Variants in MARCHF3 observed in about 807,000 individuals in gnomAD.
The protein encoded by MARCHF3 is membrane associated ring-CH-type finger 3.
Under a neutral mutation model 24.2 loss-of-function variants are expected in MARCHF3, and 13 were observed. That is an observed-to-expected ratio of 0.54 (90% CI 0.35 to 0.85). MARCHF3 has a LOEUF of 0.85. Ranked by LOEUF, MARCHF3 falls within the 40% of genes least tolerant of loss-of-function variation. The pLI, the probability that MARCHF3 is intolerant of heterozygous loss-of-function variation, is 0.01. For missense variants in MARCHF3, 276 were observed against 325.0 expected, an observed-to-expected ratio of 0.85 and a Z score of 1.16; for synonymous variants, 144 against 137.3, an observed-to-expected ratio of 1.05 and a Z score of -0.34.
chr5:126,897,375 G>C (rs770714417), intron 3 of MARCHF3, among the ~76,000 whole-genome samples: 3 of 151,862 alleles, frequency 2.0e-5, no homozygotes, highest in Non-Finnish European at 4.4e-5. Flanking sequence ...TGCCTTCTGA[G>C]AATTGTCATT....
chr5:126,933,448 T>C (rs2126805028), intron 1 of MARCHF3, among the ~76,000 whole-genome samples: 1 of 149,990 alleles, frequency 6.7e-6, no homozygotes, highest in Non-Finnish European at 1.5e-5. Flanking sequence ...GGTATCTCTT[T>C]TTTTTTTTTT....
At chr5:126,896,052 G>C (rs1307976374) in intron 3 of MARCHF3, among the ~76,000 whole-genome samples, 1 of 152,114 alleles carries the variant, frequency 6.6e-6, no homozygotes, top group African/African-American at 2.4e-5. Flanking sequence ...GCAGTATTCC[G>C]GTGGGAGTGA....
intron 1 of MARCHF3, among the ~76,000 whole-genome samples, chr5:126,976,091 C>T (rs1166923370): frequency 6.6e-6 from 1 of 152,210 alleles, no homozygotes; most frequent in Non-Finnish European, 1.5e-5. Context: ...CTCCTGCTAT[C>T]ACCCAGGGAA....
At chr5:126,878,099 G>A in intron 4 of MARCHF3, 86 bp downstream of exon 4, 4 of 1,320,566 alleles carry the variant, frequency 3.0e-6, no homozygotes, top group Non-Finnish European at 4.3e-6. Context: ...CAGGTGAGAT[G>A]TGTTACAGAC....
intron 1 of MARCHF3, among the ~76,000 whole-genome samples, chr5:126,963,445 G>C (rs1434892358): frequency 6.6e-6 from 1 of 151,822 alleles, no homozygotes; most frequent in East Asian, 1.9e-4. Flanking sequence ...ACATTTTCAA[G>C]GAGAAAAAAA....
intron 1 of MARCHF3, among the ~76,000 whole-genome samples, chr5:126,986,639 A>G (rs1751575832): frequency 6.6e-6 from 1 of 152,220 alleles, no homozygotes; most frequent in Admixed American, 6.5e-5. Context: ...CCCAAAAATG[A>G]ACACTGATGA....
chr5:126,969,986 C>T (rs931358438), intron 1 of MARCHF3, among the ~76,000 whole-genome samples: 1 of 152,200 alleles, frequency 6.6e-6, no homozygotes, highest in Non-Finnish European at 1.5e-5. Flanking sequence ...CTGAGAAATT[C>T]AAGAGGCTGT....
At chr5:126,937,530 G>C (rs1256840584) in intron 1 of MARCHF3, among the ~76,000 whole-genome samples, 1 of 152,076 alleles carries the variant, frequency 6.6e-6, no homozygotes. Context: ...TGTATATTTA[G>C]ACCATGGGGC....
intron 2 of MARCHF3, among the ~76,000 whole-genome samples, chr5:126,916,979 T>A (rs947571327): frequency 1.3e-5 from 2 of 152,172 alleles, no homozygotes; most frequent in Non-Finnish European, 2.9e-5. Flanking sequence ...AGATTTTAAA[T>A]GGAGGGCATA....
intron 1 of MARCHF3, among the ~76,000 whole-genome samples, chr5:126,939,603 C>T (rs1002645197): frequency 6.6e-6 from 1 of 152,176 alleles, no homozygotes; most frequent in Non-Finnish European, 1.5e-5. Flanking sequence ...AGAGATTCAT[C>T]AGGAATAAAA....
chr5:126,895,767 T>C lies in MARCHF3; in HGVS notation c.394-17373A>G, dbSNP rs1040995189. Among the ~76,000 whole-genome samples the C allele has an allele frequency of 5.9e-5, 9 of 152,220 alleles. 1 individual carries two copies. The highest frequency in any genetic ancestry group is 5.8e-4 in the East Asian group (3 of 5,186). On this transcript the variant is annotated intron_variant, in intron 3 of 4. Transcript: ENST00000308660. ...GCAGAGGTTACTGCTGTCTTTTTGTTTGTCTGTGCACTGCCCCCAGAGGTG... is the reference window on the plus strand; with the variant it reads ...GCAGAGGTTACTGCTGTCTTTTTGTCTGTCTGTGCACTGCCCCCAGAGGTG...
At chr5:126,958,239 A>G (rs1750513552) in intron 1 of MARCHF3, among the ~76,000 whole-genome samples, 1 of 152,114 alleles carries the variant, frequency 6.6e-6, no homozygotes, top group Non-Finnish European at 1.5e-5. Context: ...ATAATACTGA[A>G]TGATCATGAT....
chr5:127,006,072 A>C (rs962889760), intron 1 of MARCHF3, among the ~76,000 whole-genome samples: 1 of 151,812 alleles, frequency 6.6e-6, no homozygotes, highest in African/African-American at 2.4e-5. Flanking sequence ...GCATGGTGGC[A>C]TGCACTTGTA....
At chr5:126,938,385 C>G (rs1405773107) in intron 1 of MARCHF3, among the ~76,000 whole-genome samples, 2 of 152,018 alleles carry the variant, frequency 1.3e-5, no homozygotes, top group Non-Finnish European at 2.9e-5. Flanking sequence ...CCAAGCTGGT[C>G]TCAAATTCCT....
intron 1 of MARCHF3, among the ~76,000 whole-genome samples, chr5:126,942,198 A>T (rs1749852023): frequency 6.6e-6 from 1 of 152,206 alleles, no homozygotes; most frequent in Non-Finnish European, 1.5e-5. Flanking sequence ...TACTGATTAA[A>T]TCTTAACTTT....
intron 3 of MARCHF3, among the ~76,000 whole-genome samples, chr5:126,903,263 T>G (rs1034574450): frequency 1.3e-5 from 2 of 151,990 alleles, no homozygotes; most frequent in Non-Finnish European, 2.9e-5. Flanking sequence ...GGGCTAGGTG[T>G]GTACAAGCAA....
chr5:126,996,381 G>A (rs1398618472), intron 1 of MARCHF3, among the ~76,000 whole-genome samples: 1 of 152,178 alleles, frequency 6.6e-6, no homozygotes, highest in African/African-American at 2.4e-5. Context: ...AGATCCAGAT[G>A]CAAATAGGTT....
intron 1 of MARCHF3, among the ~76,000 whole-genome samples, chr5:126,993,000 C>T (rs1751824067): frequency 6.6e-6 from 1 of 152,124 alleles, no homozygotes. Flanking sequence ...TCTCGATCTC[C>T]TGACCTCGTG....
intron 1 of MARCHF3, among the ~76,000 whole-genome samples, chr5:126,965,176 C>T (rs1216456499): frequency 1.3e-5 from 2 of 152,080 alleles, no homozygotes; most frequent in African/African-American, 4.8e-5. Flanking sequence ...ATGAGATCAT[C>T]GTCTTCATAA....
Sources: gnomAD v4.1 joint callset for allele counts (sites outside exome capture counted in the v4.1 genomes callset) on GRCh38, gnomAD v4.1.1 for gene constraint, MANE v1.5 for transcripts, NCBI Gene and HGNC (gene_info 2026-07-23, HGNC 2026-07-21) for gene names.